The following SDC2 variants were observed in gnomAD, a reference collection of about 807,000 sequenced individuals.
SDC2 encodes syndecan-2.
In SDC2, 13 loss-of-function variants were observed where a neutral mutation model predicts 22.2. The observed-to-expected ratio is 0.59, with a 90% confidence interval of 0.38 to 0.93. SDC2 has a LOEUF of 0.93. SDC2 is among the 40% of genes least tolerant of loss of function. The probability of loss-of-function intolerance (pLI) is 0.00; values close to 1 mark genes in which losing one functional copy is unlikely to be tolerated. For synonymous variants in SDC2, 94 were observed against 92.8 expected (o/e 1.01, Z -0.07); for missense variants, 235 against 246.8 (o/e 0.95, Z 0.32).
chr8:96,608,409 T>C lies in SDC2; in HGVS notation c.381T>C (p.Asp127=), dbSNP rs112796866. Residue 127 remains aspartate, a synonymous_variant, in exon 4 of 5, where the codon GAT becomes GAC. Coordinates refer to ENST00000302190, the MANE Select transcript of SDC2 (RefSeq NM_002998.4). The stretch of plus-strand genomic sequence containing the variant: ...GGAAAATGGACCCAGCCGAAGAGGA[T>C]ACAAATGTGTATACTGAGAAACACT... The part of the protein sequence containing the change: ...SERKMDPAEE[D]TNVYTEKHSD... 3.5e-5 allele frequency: 56 copies of C among 1,613,984 alleles called. No individual in the cohort carries two copies. In the African/African-American group the frequency reaches 4.3e-4, roughly 12 times the overall value.
At chr8:96,603,180 A>G (rs1007028141) in intron 3 of SDC2, among the ~76,000 whole-genome samples, 3 of 152,228 alleles carry the variant, frequency 2.0e-5, no homozygotes, top group Admixed American at 2.0e-4. Flanking sequence ...TAGGTAACCC[A>G]CTGAAGTTAG....
intron 1 of SDC2, among the ~76,000 whole-genome samples, chr8:96,575,233 CTGAG>C (rs367561158): frequency 3.3e-5 from 5 of 152,072 alleles, no homozygotes; most frequent in African/African-American, 1.2e-4. Flanking sequence ...AATATGTTTC[CTGAG>C]TGAGCACTGG....
At chr8:96,564,760 A>T (rs1392164521) in intron 1 of SDC2, among the ~76,000 whole-genome samples, 1 of 152,146 alleles carries the variant, frequency 6.6e-6, no homozygotes, top group Non-Finnish European at 1.5e-5. Context: ...CCTACAGTTC[A>T]GCTTACACGT....
intron 1 of SDC2, among the ~76,000 whole-genome samples, chr8:96,530,206 T>C (rs1813638536): frequency 6.6e-6 from 1 of 152,090 alleles, no homozygotes; most frequent in Non-Finnish European, 1.5e-5. Context: ...TGGGGTGGAG[T>C]GCATGTGGGG....
At chr8:96,495,345 GC>G (rs1378275007) in intron 1 of SDC2, among the ~76,000 whole-genome samples, 2 of 152,344 alleles carry the variant, frequency 1.3e-5, no homozygotes, top group African/African-American at 4.8e-5. Context: ...CGCTTCGGGG[GC>G]TGGAGCTTGT....
At chr8:96,514,997 T>C (rs944992930) in intron 1 of SDC2, among the ~76,000 whole-genome samples, 2 of 152,178 alleles carry the variant, frequency 1.3e-5, no homozygotes, top group Admixed American at 1.3e-4. Context: ...CATGTTTCCT[T>C]CTTTATTCTG....
chr8:96,555,017 G>A (rs951603039), intron 1 of SDC2, among the ~76,000 whole-genome samples: 8 of 151,712 alleles, frequency 5.3e-5, no homozygotes, highest in Admixed American at 3.3e-4. Flanking sequence ...TACCCTCCAC[G>A]TCAGCGCTTC....
At chr8:96,546,900 C>G (rs184647955) in intron 1 of SDC2, among the ~76,000 whole-genome samples, 2 of 152,350 alleles carry the variant, frequency 1.3e-5, no homozygotes, top group African/African-American at 4.8e-5. Context: ...AGGGGCTAAA[C>G]AAGCCTTTTG....
At chr8:96,583,717 G>GTGTGTATA (rs1305001793) in intron 1 of SDC2, among the ~76,000 whole-genome samples, 11 of 116,638 alleles carry the variant, frequency 9.4e-5, no homozygotes, top group African/African-American at 2.7e-4. Context: ...GTGTGTGTGT[G>GTGTGTATA]TATATATATA....
rs562370092 is a variant in SDC2 at position 96,570,864 on chromosome 8, T to TA, written c.61-22615dup. Among the ~76,000 whole-genome samples, 486 of 152,264 alleles carry TA rather than the reference T, an allele frequency of 3.2e-3. 6 individuals carry two copies. Among genetic ancestry groups the TA allele is most frequent in the African/African-American group, 0.011 (464 of 41,548 alleles). On this transcript the variant is annotated intron_variant, in intron 1 of 4. Coordinates refer to ENST00000302190, the MANE Select transcript of SDC2 (RefSeq NM_002998.4). ...TATTGCACTTATGAGGTAACTGGAA[T>TA]AGTCAAGTTCATGGAGGCAGAAATT...
At chr8:96,587,839 T>C (rs1030080234) in intron 1 of SDC2, among the ~76,000 whole-genome samples, 17 of 152,122 alleles carry the variant, frequency 1.1e-4, no homozygotes, top group African/African-American at 3.9e-4. Flanking sequence ...TATTATTATG[T>C]GTGAATCACA....
intron 1 of SDC2, among the ~76,000 whole-genome samples, chr8:96,519,709 G>A (rs1813464925): frequency 6.6e-6 from 1 of 151,840 alleles, no homozygotes; most frequent in Non-Finnish European, 1.5e-5. Context: ...CTGGAGTGTA[G>A]TGGTGCAATC....
chr8:96,517,064 G>A (rs2575739), intron 1 of SDC2, among the ~76,000 whole-genome samples: 101,950 of 152,058 alleles, frequency 0.67, 34,832 homozygotes, highest in Non-Finnish European at 0.75. Context: ...CCCACCAGCA[G>A]TGCACAGGGT....
At chr8:96,552,348 A>G (rs1427993339) in intron 1 of SDC2, among the ~76,000 whole-genome samples, 3 of 152,208 alleles carry the variant, frequency 2.0e-5, no homozygotes, top group Non-Finnish European at 2.9e-5. Flanking sequence ...ATTATATCCC[A>G]TGTTATTGAT....
At chr8:96,607,704 T>C (rs992073537) in intron 3 of SDC2, among the ~76,000 whole-genome samples, 5 of 152,044 alleles carry the variant, frequency 3.3e-5, no homozygotes, top group African/African-American at 1.2e-4. Flanking sequence ...GTGTCGTTCA[T>C]TAGACAGGTG....
At chr8:96,522,533 C>T (rs553800945) in intron 1 of SDC2, among the ~76,000 whole-genome samples, 1 of 152,298 alleles carries the variant, frequency 6.6e-6, no homozygotes, top group East Asian at 1.9e-4. Context: ...TCCCCAATTG[C>T]TTGCAGTGTC....
At chr8:96,570,033 G>T (rs553357957) in intron 1 of SDC2, among the ~76,000 whole-genome samples, 42 of 152,308 alleles carry the variant, frequency 2.8e-4, no homozygotes, top group African/African-American at 6.7e-4. Flanking sequence ...GATCTAACAC[G>T]CAGGATGCTA....
intron 1 of SDC2, among the ~76,000 whole-genome samples, chr8:96,538,398 C>G (rs1250022443): frequency 1.0e-5 from 1 of 99,244 alleles, no homozygotes; most frequent in Non-Finnish European, 2.8e-5. Flanking sequence ...AACAAAAGTA[C>G]TAAAGATAAA....
chr8:96,549,330 C>A (rs1813987898), intron 1 of SDC2, among the ~76,000 whole-genome samples: 1 of 152,128 alleles, frequency 6.6e-6, no homozygotes, highest in Admixed American at 6.5e-5. Context: ...TGAATGACAA[C>A]CTCCCTGAGC....
Sources: gnomAD v4.1 joint callset for allele counts (sites outside exome capture counted in the v4.1 genomes callset) on GRCh38, gnomAD v4.1.1 for gene constraint, MANE v1.5 for transcripts, NCBI Gene and HGNC (gene_info 2026-07-23, HGNC 2026-07-21) for gene names.